FAM167A: variants seen among roughly 807,000 people sequenced by gnomAD.
The protein encoded by FAM167A is protein FAM167A.
Under a neutral mutation model 14.9 loss-of-function variants are expected in FAM167A, and 23 were observed. The observed-to-expected ratio is 1.55, with a 90% CI of 1.11 to 2.19. The LOEUF is 2.19. Ranked by LOEUF, FAM167A falls within the 30% of genes most tolerant of loss-of-function variation. FAM167A has a pLI of 0.00. For synonymous variants in FAM167A, 174 were observed against 117.7 expected (o/e 1.48, Z -3.10); for missense variants, 401 against 281.5 (o/e 1.42, Z -3.04).
At chr8:11,454,428 G>T (rs1807149333) in intron 1 of FAM167A, among the ~76,000 whole-genome samples, 1 of 152,216 alleles carries the variant, frequency 6.6e-6, no homozygotes, top group South Asian at 2.1e-4. Flanking sequence ...TGATGTTGCG[G>T]TTTCAGCCAG....
At position 11,444,021 on chromosome 8, in the gene FAM167A, A is replaced by AGTG; in HGVS notation, c.381+9_381+10insCAC. 1 of 1,600,656 alleles carries AGTG rather than the reference A, an allele frequency of 6.2e-7. No homozygotes were observed. The highest frequency in any genetic ancestry group is 8.5e-7 in the Non-Finnish European group (1 of 1,172,786). On this transcript the variant is annotated intron_variant, in intron 2 of 2. Coordinates refer to ENST00000284486, the MANE Select transcript of FAM167A (RefSeq NM_053279.3). ...CTCTTTTCTGGGGATTCTTGGGGGC[A>AGTG]GCCACTCACCAGTTCCTTCCTGAGC...
intron 1 of FAM167A, among the ~76,000 whole-genome samples, chr8:11,459,675 C>T (rs1045929151): frequency 1.3e-5 from 2 of 152,224 alleles, no homozygotes; most frequent in Non-Finnish European, 2.9e-5. Context: ...GGACAAGTCA[C>T]ACGACTCTTT....
At chr8:11,438,397 TG>T (rs1165644925) in intron 2 of FAM167A, 2 of 452,232 alleles carry the variant, frequency 4.4e-6, no homozygotes, top group Non-Finnish European at 8.9e-6. Flanking sequence ...TTTATTTGAA[TG>T]TTGGGAGATT....
Position 11,444,521 on chromosome 8 carries a change from C to T in FAM167A, c.-110G>A, listed in dbSNP as rs1043580047. On this transcript the variant is annotated 5_prime_UTR_variant, in exon 2 of 3. Transcript: ENST00000284486. ...TCTGGGATGGCCTCATCCAGGTGCC[C>T]GAGGGCATTTCCGGGACAGGAGCCG... The T allele has an allele frequency of 1.1e-4, 158 of 1,471,438 alleles. No individual in the cohort carries two copies. The highest frequency in any genetic ancestry group is 1.3e-4 in the Non-Finnish European group (140 of 1,118,062). The allele number at this position is 1,471,438 out of a possible 1,614,324, so 91.1% of individuals were successfully genotyped here.
rs1403112320 is a variant in FAM167A, at chr8:11,444,754, G to A, written c.-343C>T. On this transcript the variant is annotated 5_prime_UTR_variant, in exon 2 of 3. Coordinates refer to ENST00000284486, the MANE Select transcript of FAM167A (RefSeq NM_053279.3). ...CTGAACGCACTCGAAGACCAGACTG[G>A]CAGGAAGAAGGCCCAGAGCTCTCTC... The A allele has an allele frequency of 2.2e-5, 23 of 1,038,018 alleles. No homozygotes were observed. Among genetic ancestry groups the A allele is most frequent in the Non-Finnish European group, 2.5e-5 (22 of 864,398 alleles). 64.3% of individuals were successfully genotyped at this position (1,038,018 alleles called of 1,614,324 possible). A position where few individuals can be genotyped will look rare whatever the true frequency, so the allele number is the denominator to read the frequency against.
chr8:11,438,806 T>G, intron 2 of FAM167A: 1 of 292,174 alleles, frequency 3.4e-6, no homozygotes. Flanking sequence ...AGACTTAGCC[T>G]TGGGAGAACA....
At chr8:11,474,924 G>T (rs1209560682) in intron 1 of FAM167A, among the ~76,000 whole-genome samples, 2 of 151,870 alleles carry the variant, frequency 1.3e-5, no homozygotes, top group African/African-American at 4.8e-5. Context: ...GGAGGGGAGA[G>T]GGAGAAGGGA....
At chr8:11,428,746 G>A (rs897803961) in intron 2 of FAM167A, among the ~76,000 whole-genome samples, 8 of 152,322 alleles carry the variant, frequency 5.3e-5, no homozygotes, top group African/African-American at 1.9e-4. Flanking sequence ...CGGGAGCCCT[G>A]GCTGTGCTGG....
intron 1 of FAM167A, among the ~76,000 whole-genome samples, chr8:11,452,326 G>A (rs1293278826): frequency 6.6e-6 from 1 of 152,242 alleles, no homozygotes; most frequent in Non-Finnish European, 1.5e-5. Flanking sequence ...GGTTCCCTGT[G>A]CAAAATGGAT....
intron 1 of FAM167A, among the ~76,000 whole-genome samples, chr8:11,452,655 A>G (rs1807071664): frequency 1.3e-5 from 2 of 152,182 alleles, no homozygotes; most frequent in Admixed American, 6.5e-5. Context: ...CACTAACCCT[A>G]TTCAAATCCC....
At chr8:11,455,439 T>G (rs1197205324) in intron 1 of FAM167A, among the ~76,000 whole-genome samples, 108 of 61,420 alleles carry the variant, frequency 1.8e-3, no homozygotes, top group African/African-American at 4.6e-3. Context: ...TGTGTGAGTG[T>G]GGGGGGTGGC....
chr8:11,422,000 C>G lies in FAM167A; in HGVS notation c.*2373G>C, dbSNP rs959743463. ...AAAACATCGCTGTCCCCCTCCACTT[C>G]TCATCTTGGGTCACCTCCTCATCCC... On this transcript the variant is annotated 3_prime_UTR_variant, in exon 3 of 3. Coordinates refer to ENST00000284486, the MANE Select transcript of FAM167A (RefSeq NM_053279.3). 1.5e-5 allele frequency: 6 copies of G among 395,838 alleles called. No individual in the cohort carries two copies. The highest frequency in any genetic ancestry group is 4.4e-5 in the Admixed American group (1 of 22,650). The allele number at this position is 395,838 out of a possible 1,614,324, so 24.5% of individuals were successfully genotyped here.
Position 11,424,495 on chromosome 8 carries a change from C to A in FAM167A, c.523G>T (p.Asp175Tyr). 1.2e-6 allele frequency: 2 copies of A among 1,614,136 alleles called. No individual in the cohort carries two copies. Among genetic ancestry groups the A allele is most frequent in the Non-Finnish European group, 1.7e-6 (2 of 1,179,974 alleles). ...TCACAGAAGAGGTCGGCCAGCTCAT[C>A]CCGCTCCTCCAGCTCGTAGGTGGCA... ...NDATYELEER[D>Y]ELADLFCDSP... The change falls in exon 3 of 3, where the codon GAT becomes TAT. Residue 175 changes from aspartate to tyrosine, a missense_variant. By Grantham distance (160) the Asp-to-Tyr change is radical. Transcript: ENST00000284486.
chr8:11,471,573 G>A (rs1203463564), upstream of FAM167A, among the ~76,000 whole-genome samples: 6 of 152,152 alleles, frequency 3.9e-5, no homozygotes, highest in East Asian at 1.9e-4. Context: ...TACCATGGGC[G>A]GTCACTTAAG....
At chr8:11,467,531 G>C (rs1563395791), upstream of FAM167A, 1 of 152,358 alleles carries the variant, frequency 6.6e-6, no homozygotes, top group East Asian at 1.9e-4. Flanking sequence ...ACCTCATCAA[G>C]CACCTTTCCT....
intron 2 of FAM167A, among the ~76,000 whole-genome samples, chr8:11,439,092 G>T (rs1039863885): frequency 6.6e-6 from 1 of 152,250 alleles, no homozygotes; most frequent in African/African-American, 2.4e-5. Context: ...AGAACCAAGT[G>T]ATGTGTGTCT....
intron 1 of FAM167A, among the ~76,000 whole-genome samples, chr8:11,450,910 A>T (rs947398967): frequency 6.6e-6 from 1 of 152,130 alleles, no homozygotes; most frequent in Admixed American, 6.5e-5. Context: ...CTGCAGTGGG[A>T]CAAAGACAGG....
chr8:11,474,196 C>T (rs546519420), intron 1 of FAM167A, among the ~76,000 whole-genome samples: 9 of 152,286 alleles, frequency 5.9e-5, no homozygotes, highest in African/African-American at 1.2e-4. Context: ...ATCACGTCTG[C>T]GCGCCAACTG....
At chr8:11,470,704 T>A (rs1299760552), upstream of FAM167A, among the ~76,000 whole-genome samples, 2 of 152,236 alleles carry the variant, frequency 1.3e-5, no homozygotes, top group Non-Finnish European at 1.5e-5. Context: ...TTGGGCTCTG[T>A]GGGACAGAGG....
Sources: allele counts gnomAD v4.1 joint callset (sites outside exome capture counted in the v4.1 genomes callset), GRCh38; gene constraint gnomAD v4.1.1; transcripts MANE v1.5; gene names NCBI Gene and HGNC (gene_info 2026-07-23, HGNC 2026-07-21).